ADARB2: variants seen among roughly 807,000 people sequenced by gnomAD.
ADARB2 encodes the protein inactive double-stranded RNA-specific editase B2.
Under a neutral mutation model 62.2 loss-of-function variants are expected in ADARB2, and 25 were observed. That is an observed-to-expected ratio of 0.40 (90% confidence interval 0.29 to 0.56). ADARB2 has a LOEUF of 0.56. ADARB2 is among the 20% of genes least tolerant of loss of function. The probability of loss-of-function intolerance (pLI) is 0.43; values close to 1 mark genes in which losing one functional copy is unlikely to be tolerated. For synonymous variants in ADARB2, 572 were observed against 500.8 expected, an observed-to-expected ratio of 1.14 and a Z score of -1.90; for missense variants, 1,071 against 1,077.4, an observed-to-expected ratio of 0.99 and a Z score of 0.08.
intron 4 of ADARB2, among the ~76,000 whole-genome samples, chr10:1,264,798 C>G (rs1243169447): frequency 6.6e-6 from 1 of 152,160 alleles, no homozygotes; most frequent in East Asian, 1.9e-4. Flanking sequence ...CTCTACCAGG[C>G]TGTTTTCAAG....
chr10:1,451,402 T>C (rs117243696), intron 1 of ADARB2, among the ~76,000 whole-genome samples: 15 of 152,288 alleles, frequency 9.8e-5, no homozygotes, highest in East Asian at 9.7e-4. Flanking sequence ...TGAGGACTCA[T>C]AGGGCCAAGT....
At chr10:1,674,685 G>A (rs533116500) in intron 1 of ADARB2, among the ~76,000 whole-genome samples, 3 of 152,172 alleles carry the variant, frequency 2.0e-5, no homozygotes, top group Non-Finnish European at 2.9e-5. Context: ...CTACCTGACC[G>A]GTCCCGGAGG....
intron 1 of ADARB2, among the ~76,000 whole-genome samples, chr10:1,524,641 G>A (rs1312625790): frequency 6.6e-6 from 1 of 152,158 alleles, no homozygotes; most frequent in East Asian, 1.9e-4. Context: ...AGTGTTTGCT[G>A]TAGGCAGACA....
intron 1 of ADARB2, among the ~76,000 whole-genome samples, chr10:1,695,905 C>T (rs199527155): frequency 5.3e-5 from 8 of 152,026 alleles, no homozygotes; most frequent in Middle Eastern, 3.5e-3. Flanking sequence ...AGGGCACACA[C>T]GTGCAGATGT....
At chr10:1,415,292 T>C (rs1020300848) in intron 1 of ADARB2, among the ~76,000 whole-genome samples, 2 of 151,318 alleles carry the variant, frequency 1.3e-5, no homozygotes, top group Non-Finnish European at 2.9e-5. Flanking sequence ...GGTGGGTATA[T>C]GACGATAGAA....
chr10:1,602,314 T>A (rs1469601388), intron 1 of ADARB2, among the ~76,000 whole-genome samples: 1 of 152,180 alleles, frequency 6.6e-6, no homozygotes, highest in African/African-American at 2.4e-5. Flanking sequence ...CCAGGTCCAC[T>A]CTGCTTTCAA....
In ADARB2 at chr10:1,737,074, C is replaced by G. The variant is rs756031726; in HGVS notation, c.77G>C (p.Arg26Thr). The G allele has an allele frequency of 6.2e-7, 1 of 1,612,008 alleles. No homozygotes were observed. The highest frequency in any genetic ancestry group is 2.2e-5 in the East Asian group (1 of 44,870). Reference sequence around the variant, plus strand: ...ACCTTTCCGCTTGGACCTCCGCCTCCTCCTCCTCTTGGACTTGCATTTGAG... The same window carrying G: ...ACCTTTCCGCTTGGACCTCCGCCTCGTCCTCCTCTTGGACTTGCATTTGAG... The part of the protein sequence containing the change: ...SQLKCKSKRR[R>T]RRRSKRKDKV... The change falls in exon 1 of 10, where the codon AGG (arginine) becomes ACG (threonine). Residue 26 changes from arginine (R) to threonine (T), a missense_variant. Coordinates refer to ENST00000381312, the MANE Select transcript of ADARB2 (RefSeq NM_018702.4).
At chr10:1,657,001 T>TTGTGTGTGTG (rs58944098) in intron 1 of ADARB2, among the ~76,000 whole-genome samples, 30 of 148,812 alleles carry the variant, frequency 2.0e-4, no homozygotes, top group East Asian at 7.9e-4. Flanking sequence ...ATCTAGTGTT[T>TTGTGTGTGTG]TGTGTGTGTG....
chr10:1,516,857 C>T (rs965469096), intron 1 of ADARB2, among the ~76,000 whole-genome samples: 4 of 152,276 alleles, frequency 2.6e-5, no homozygotes, highest in East Asian at 1.9e-4. Flanking sequence ...GCAATGACAG[C>T]GCATGGAAGT....
At chr10:1,286,754 C>A (rs186480627) in intron 3 of ADARB2, among the ~76,000 whole-genome samples, 1 of 152,252 alleles carries the variant, frequency 6.6e-6, no homozygotes, top group East Asian at 1.9e-4. Context: ...CAGAGATGTA[C>A]GCCTGCAGCA....
chr10:1,580,828 C>T (rs1461721686), intron 1 of ADARB2, among the ~76,000 whole-genome samples: 1 of 152,236 alleles, frequency 6.6e-6, no homozygotes, highest in Non-Finnish European at 1.5e-5. Context: ...TCAGAATATA[C>T]ACCTTATAAC....
chr10:1,185,274 G>A (rs1198705159), intron 8 of ADARB2, among the ~76,000 whole-genome samples: 1 of 152,192 alleles, frequency 6.6e-6, no homozygotes, highest in Non-Finnish European at 1.5e-5. Flanking sequence ...CCTTCTAATC[G>A]AAGATTTTAA....
chr10:1,408,546 G>C (rs772956623), intron 1 of ADARB2, among the ~76,000 whole-genome samples: 13 of 152,178 alleles, frequency 8.5e-5, no homozygotes, highest in Non-Finnish European at 1.3e-4. Context: ...GTCACACCGA[G>C]TCCCAGGGCC....
intron 1 of ADARB2, among the ~76,000 whole-genome samples, chr10:1,593,877 T>G (rs1833299348): frequency 1.3e-5 from 2 of 152,186 alleles, no homozygotes; most frequent in Admixed American, 6.5e-5. Flanking sequence ...TTTGATGATA[T>G]GTGAAGTGCT....
intron 7 of ADARB2, among the ~76,000 whole-genome samples, chr10:1,211,154 CATCT>C (rs1282806219): frequency 6.9e-6 from 1 of 145,956 alleles, no homozygotes; most frequent in Non-Finnish European, 1.5e-5. Context: ...TATAATCTAT[CATCT>C]ATCTAATCTA....
chr10:1,497,123 A>G (rs1055461303), intron 1 of ADARB2, among the ~76,000 whole-genome samples: 6 of 152,182 alleles, frequency 3.9e-5, no homozygotes, highest in African/African-American at 7.2e-5. Context: ...CGTCACATCA[A>G]TGAAATGGGA....
intron 8 of ADARB2, among the ~76,000 whole-genome samples, chr10:1,189,050 ACT>A (rs1836802931): frequency 6.7e-6 from 1 of 150,292 alleles, no homozygotes; most frequent in South Asian, 2.1e-4. Context: ...GTGCGCTTTC[ACT>A]CTCTTTCCAT....
At position 1,735,304 on chromosome 10, in the gene ADARB2, C is replaced by T. The variant is rs113104768; in HGVS notation, c.100+1747G>A. On this transcript the variant is annotated intron_variant, in intron 1 of 9. Coordinates refer to ENST00000381312, the MANE Select transcript of ADARB2 (RefSeq NM_018702.4). ...AAGTTAAGTTTATAGCAAATGAAGTCTTTCCCCAGATTTCCTTTTTCCCCC... is the reference window on the plus strand; with the variant it reads ...AAGTTAAGTTTATAGCAAATGAAGTTTTTCCCCAGATTTCCTTTTTCCCCC... Among the ~76,000 whole-genome samples the T allele has an allele frequency of 8.5e-5, 13 of 152,320 alleles. 1 individual carries two copies. Among genetic ancestry groups the T allele is most frequent in the African/African-American group, 2.9e-4 (12 of 41,574 alleles).
chr10:1,497,577 C>T (rs996176069), intron 1 of ADARB2, among the ~76,000 whole-genome samples: 2 of 152,078 alleles, frequency 1.3e-5, no homozygotes, highest in Non-Finnish European at 2.9e-5. Context: ...ATAATTGATT[C>T]AAAACTATTT....
Sources: allele counts gnomAD v4.1 joint callset (sites outside exome capture counted in the v4.1 genomes callset), GRCh38; gene constraint gnomAD v4.1.1; transcripts MANE v1.5; gene names NCBI Gene and HGNC (gene_info 2026-07-23, HGNC 2026-07-21).